ATXN1: variants seen among roughly 807,000 people sequenced by gnomAD.
ATXN1 encodes ataxin 1.
A neutral mutation model predicts 56.4 loss-of-function variants in ATXN1; 8 were observed. The observed-to-expected ratio is 0.14, with a 90% confidence interval of 0.08 to 0.26. ATXN1 has a LOEUF of 0.26. Ranked by LOEUF, ATXN1 falls within the 10% of genes least tolerant of loss-of-function variation. The probability of loss-of-function intolerance (pLI) is 1.00; values close to 1 mark genes in which losing one functional copy is unlikely to be tolerated. For synonymous variants in ATXN1, 514 were observed against 494.6 expected, an observed-to-expected ratio of 1.04 and a Z score of -0.52; for missense variants, 987 against 1,106.5, an observed-to-expected ratio of 0.89 and a Z score of 1.53.
At chr6:16,738,320 A>G (rs1760208056) in intron 2 of ATXN1, 1 of 152,196 alleles carries the variant, frequency 6.6e-6, no homozygotes, top group Admixed American at 6.5e-5. Context: ...TTAAACCGCT[A>G]ACACTGGCTA....
rs143825557 is a variant in ATXN1 at position 16,729,317 on chromosome 6, G to A, written c.-615+23916C>T. Reference sequence around the variant, plus strand: ...GTGGGGTGAGCGGTAAATGAATAACGGCTGGACTGAGAGAGCAAAGAGAAA... The same window carrying A: ...GTGGGGTGAGCGGTAAATGAATAACAGCTGGACTGAGAGAGCAAAGAGAAA... On this transcript the variant is annotated intron_variant, in intron 2 of 7. Coordinates refer to ENST00000436367, the MANE Select transcript of ATXN1 (RefSeq NM_001128164.2). Among the ~76,000 whole-genome samples the A allele has an allele frequency of 1.1e-4, 16 of 152,262 alleles. No individual in the cohort carries two copies. In the East Asian group the frequency reaches 1.7e-3, roughly 16 times the overall value.
chr6:16,443,157 G>C (rs1759552929), intron 6 of ATXN1, among the ~76,000 whole-genome samples: 1 of 146,700 alleles, frequency 6.8e-6, no homozygotes, highest in South Asian at 2.2e-4. Flanking sequence ...ACTCCAGCCT[G>C]GGTGACAAAG....
At chr6:16,453,215 CT>C (rs577523331) in intron 6 of ATXN1, among the ~76,000 whole-genome samples, 1 of 152,102 alleles carries the variant, frequency 6.6e-6, no homozygotes, top group Non-Finnish European at 1.5e-5. Flanking sequence ...ACTCTCAGCA[CT>C]TTGGGATGCC....
intron 2 of ATXN1, among the ~76,000 whole-genome samples, chr6:16,683,136 T>C (rs531988185): frequency 6.6e-6 from 1 of 152,340 alleles, no homozygotes; most frequent in South Asian, 2.1e-4. Context: ...AATAGTTATT[T>C]ACCAAAGAAG....
chr6:16,585,936 GAGTT>G (rs760646061), intron 3 of ATXN1, 29 bp from the exon 4 acceptor site: 1 of 152,116 alleles, frequency 6.6e-6, no homozygotes, highest in Non-Finnish European at 1.5e-5. Flanking sequence ...TATTCTCACT[GAGTT>G]AGGCTGCTTC....
At chr6:16,753,022 T>C (rs1321932799) in intron 2 of ATXN1, 3 of 328,986 alleles carry the variant, frequency 9.1e-6, no homozygotes, top group South Asian at 2.4e-5. Flanking sequence ...TTCATGAACA[T>C]ATAGATTAAA....
chr6:16,362,294 C>G (rs960612598), intron 6 of ATXN1, among the ~76,000 whole-genome samples: 1 of 152,182 alleles, frequency 6.6e-6, no homozygotes, highest in Non-Finnish European at 1.5e-5. Context: ...AAATCTGGAG[C>G]TTAACACAAG....
chr6:16,718,725 T>C (rs1437425263), intron 2 of ATXN1, among the ~76,000 whole-genome samples: 2 of 152,218 alleles, frequency 1.3e-5, no homozygotes, highest in African/African-American at 4.8e-5. Flanking sequence ...AGAAAGAACA[T>C]TTCCCCTGCT....
At chr6:16,451,845 A>G (rs1759760039) in intron 6 of ATXN1, among the ~76,000 whole-genome samples, 1 of 152,316 alleles carries the variant, frequency 6.6e-6, no homozygotes, top group South Asian at 2.1e-4. Context: ...CAAAGCAAAC[A>G]GAAACAAATT....
At chr6:16,643,229 G>A (rs1763738938) in intron 3 of ATXN1, among the ~76,000 whole-genome samples, 1 of 148,742 alleles carries the variant, frequency 6.7e-6, no homozygotes, top group Non-Finnish European at 1.5e-5. Context: ...CTCCAGCCTG[G>A]CAACAAAGCA....
intron 6 of ATXN1, among the ~76,000 whole-genome samples, chr6:16,382,495 T>G (rs945323163): frequency 3.3e-5 from 5 of 152,116 alleles, no homozygotes; most frequent in Admixed American, 2.6e-4. Flanking sequence ...CCTTGGAAGG[T>G]TTTGCTTTTT....
chr6:16,554,491 G>A (rs931970826), intron 4 of ATXN1, among the ~76,000 whole-genome samples: 3 of 152,008 alleles, frequency 2.0e-5, no homozygotes, highest in East Asian at 1.9e-4. Flanking sequence ...GGTTCTTGTC[G>A]CCCAGGCTGG....
intron 5 of ATXN1, among the ~76,000 whole-genome samples, chr6:16,493,018 C>T (rs566078518): frequency 2.0e-5 from 3 of 152,216 alleles, no homozygotes; most frequent in Non-Finnish European, 2.9e-5. Flanking sequence ...CTATCTTCAC[C>T]GCCCCATGCT....
At chr6:16,510,761 T>C (rs766251600) in intron 5 of ATXN1, among the ~76,000 whole-genome samples, 3 of 151,226 alleles carry the variant, frequency 2.0e-5, no homozygotes, top group Non-Finnish European at 4.4e-5. Context: ...TAAATAGAAA[T>C]AAAAATACAG....
At chr6:16,544,208 A>G (rs1241970675) in intron 4 of ATXN1, among the ~76,000 whole-genome samples, 1 of 152,164 alleles carries the variant, frequency 6.6e-6, no homozygotes, top group Non-Finnish European at 1.5e-5. Context: ...TGAGTGTGTG[A>G]CGAAGGTTGT....
Position 16,328,071 on chromosome 6 carries a change from T to A in ATXN1, c.240A>T (p.Ala80=), listed in dbSNP as rs1455754409. ...GGGAGTAGTCCAGCCCTGTGGACAA[T>A]GCTTTGTGTAAACCTATTCCCTGTT... ...GLQQGIGLHK[A]LSTGLDYSPP... is the part of the protein sequence containing the mutation. The change falls in exon 7 of 8, where the codon GCA becomes GCT. Residue 80 remains alanine, a synonymous_variant. Coordinates refer to ENST00000436367, the MANE Select transcript of ATXN1 (RefSeq NM_001128164.2). The surrounding 1 kb of genome is among the most constrained non-coding windows in gnomAD (Gnocchi z 6.2). The A allele has an allele frequency of 6.2e-7, 1 of 1,612,870 alleles. No individual in the cohort carries two copies. Among genetic ancestry groups the A allele is most frequent in the Non-Finnish European group, 8.5e-7 (1 of 1,179,230 alleles).
intron 3 of ATXN1, among the ~76,000 whole-genome samples, chr6:16,646,788 C>T (rs1424995480): frequency 6.6e-6 from 1 of 152,234 alleles, no homozygotes; most frequent in Admixed American, 6.5e-5. Context: ...AGCATTGCTT[C>T]GCCTTCCCTA....
Position 16,533,263 on chromosome 6 carries a change from T to C in ATXN1, c.-360-10575A>G, listed in dbSNP as rs192539709. ...AGACCCCTGTGATCACTTGACCTTA[T>C]AAGGGAGCTTTTCAGGTGATCTGTT... On this transcript the variant is annotated intron_variant, in intron 4 of 7. Transcript: ENST00000436367. Among the ~76,000 whole-genome samples, 12 of 152,330 alleles carry C rather than the reference T, an allele frequency of 7.9e-5. No homozygotes were observed. The East Asian group carries it at 2.1e-3, about 27-fold the overall frequency.
At chr6:16,651,542 T>C (rs1581331876) in intron 3 of ATXN1, among the ~76,000 whole-genome samples, 1 of 51,710 alleles carries the variant, frequency 1.9e-5, no homozygotes, top group African/African-American at 1.1e-4. Flanking sequence ...AGACTCTGTC[T>C]CAAAAAAAAA....
Sources: allele counts gnomAD v4.1 joint callset (sites outside exome capture counted in the v4.1 genomes callset), GRCh38; gene constraint gnomAD v4.1.1; non-coding constraint Gnocchi (gnomAD v3.1); transcripts MANE v1.5; gene names NCBI Gene and HGNC (gene_info 2026-07-23, HGNC 2026-07-21).